Variants in CHRM2 observed in about 807,000 individuals in gnomAD.
CHRM2 encodes cholinergic receptor muscarinic 2.
CHRM2 carries 8 observed loss-of-function variants against 25.0 expected under a neutral mutation model. The ratio of observed to expected loss-of-function variants is 0.32; its 90% CI spans 0.19 to 0.58. The LOEUF (loss-of-function observed/expected upper bound fraction) is 0.58, where lower values mean the gene tolerates loss of function less well. Ranked by LOEUF, CHRM2 falls within the 20% of genes least tolerant of loss-of-function variation. The pLI is 0.88. For missense variants in CHRM2, 440 were observed against 567.1 expected, an observed-to-expected ratio of 0.78 and a Z score of 2.28; for synonymous variants, 202 against 205.7, an observed-to-expected ratio of 0.98 and a Z score of 0.15.
chr7:136,948,704 G>A (rs944426897), intron 2 of CHRM2, among the ~76,000 whole-genome samples: 3 of 152,160 alleles, frequency 2.0e-5, no homozygotes, highest in Admixed American at 2.0e-4. Context: ...CAATAAAAAA[G>A]AAATGAGTCC....
At chr7:136,889,822 T>C (rs1487090622) in intron 2 of CHRM2, among the ~76,000 whole-genome samples, 4 of 152,226 alleles carry the variant, frequency 2.6e-5, no homozygotes, top group South Asian at 2.1e-4. Context: ...GTTGTTTTTT[T>C]CTCTATGTTG....
chr7:136,950,578 T>A (rs980043959), intron 2 of CHRM2, among the ~76,000 whole-genome samples: 1 of 152,108 alleles, frequency 6.6e-6, no homozygotes, highest in Non-Finnish European at 1.5e-5. Context: ...CTGTAGGAAT[T>A]GAAATTGCAA....
At chr7:136,943,720 T>G (rs79376108) in intron 2 of CHRM2, among the ~76,000 whole-genome samples, 888 of 28,414 alleles carry the variant, frequency 0.031, 2 homozygotes, top group South Asian at 0.076. Context: ...TTCAAGGCAG[T>G]ATCAATGATT....
rs142333424 is a variant in CHRM2 at position 136,927,674 on chromosome 7, TAA to T, written c.-125+58257_-125+58258del. 3.6e-3 allele frequency among the ~76,000 whole-genome samples: 550 copies of T among 152,330 alleles called. 4 individuals carry two copies. Among genetic ancestry groups the T allele is most frequent in the African/African-American group, 0.013 (524 of 41,570 alleles). ...CTACCTATGAGCAACATTTCCAAAA[TAA>T]TGGTTTTATTCAAATGACAAGTTGT... On this transcript the variant is annotated intron_variant, in intron 2 of 3. Transcript: ENST00000680005.
intron 2 of CHRM2, among the ~76,000 whole-genome samples, chr7:136,911,905 A>T (rs985878385): frequency 6.6e-6 from 1 of 151,962 alleles, no homozygotes; most frequent in Admixed American, 6.6e-5. Context: ...TCACACTATC[A>T]TCCATAAAAT....
At chr7:136,976,302 G>A (rs2130952181) in intron 2 of CHRM2, among the ~76,000 whole-genome samples, 1 of 152,168 alleles carries the variant, frequency 6.6e-6, no homozygotes, top group African/African-American at 2.4e-5. Context: ...GTAGGAGATG[G>A]AGTTAGTGGC....
At chr7:136,994,425 T>A (rs1203677169) in intron 3 of CHRM2, among the ~76,000 whole-genome samples, 1 of 152,012 alleles carries the variant, frequency 6.6e-6, no homozygotes, top group East Asian at 1.9e-4. Flanking sequence ...TGGGCCACAC[T>A]ACATAAGCCA....
At position 137,011,215 on chromosome 7, in the gene CHRM2, G is replaced by GTGTGTGTGTGTGTATATATA; in HGVS notation, c.-46-3604_-46-3603insGTGTGTGTGTGTATATATAT. On this transcript the variant is annotated intron_variant, in intron 3 of 3. Coordinates refer to ENST00000680005, the MANE Select transcript of CHRM2 (RefSeq NM_001006630.2). ...TGTACGTGTGTGTGTGTGTGTGTGT[G>GTGTGTGTGTGTGTATATATA]TATATATATATATATATATGGATTT... 5.4e-3 allele frequency among the ~76,000 whole-genome samples: 729 copies of GTGTGTGTGTGTGTATATATA among 134,236 alleles called. 4 individuals carry two copies. The highest frequency in any genetic ancestry group is 9.0e-3 in the Non-Finnish European group (580 of 64,734). The allele number at this position is 134,236 out of a possible 152,430, so 88.1% of individuals were successfully genotyped here.
At chr7:136,921,529 T>A (rs922163335) in intron 2 of CHRM2, among the ~76,000 whole-genome samples, 2 of 152,130 alleles carry the variant, frequency 1.3e-5, no homozygotes, top group Non-Finnish European at 2.9e-5. Flanking sequence ...TTTCAGCATG[T>A]GGCCTCTTTA....
chr7:136,976,799 C>A (rs1310081055), intron 2 of CHRM2, among the ~76,000 whole-genome samples: 2 of 152,172 alleles, frequency 1.3e-5, no homozygotes, highest in Non-Finnish European at 1.5e-5. Context: ...TTACTCCCTG[C>A]TGCAGGGATT....
At chr7:136,903,802 G>A (rs1457278006) in intron 2 of CHRM2, among the ~76,000 whole-genome samples, 1 of 151,854 alleles carries the variant, frequency 6.6e-6, no homozygotes, top group Non-Finnish European at 1.5e-5. Context: ...CTCTACTAGT[G>A]TTTTAACAGT....
At chr7:137,007,114 G>A (rs1436179104) in intron 3 of CHRM2, among the ~76,000 whole-genome samples, 1 of 152,152 alleles carries the variant, frequency 6.6e-6, no homozygotes, top group Admixed American at 6.6e-5. Flanking sequence ...GAAAGGGAAA[G>A]AGAGATACAG....
chr7:136,904,528 TG>T (rs1438227322), intron 2 of CHRM2, among the ~76,000 whole-genome samples: 1 of 151,918 alleles, frequency 6.6e-6, no homozygotes, highest in Non-Finnish European at 1.5e-5. Context: ...CATGCTTTTT[TG>T]CCAGAGTTTT....
intron 2 of CHRM2, among the ~76,000 whole-genome samples, chr7:136,921,790 C>CTTCCTTTTTTTTTTTTTTTT (rs1798451991): frequency 8.8e-6 from 1 of 113,992 alleles, no homozygotes; most frequent in Non-Finnish European, 2.2e-5. Context: ...TTCTTTCTTT[C>CTTCCTTTTTTTTTTTTTTTT]TTTCTTTTTT....
intron 2 of CHRM2, among the ~76,000 whole-genome samples, chr7:136,898,156 A>C (rs1797006055): frequency 6.6e-6 from 1 of 152,192 alleles, no homozygotes; most frequent in Non-Finnish European, 1.5e-5. Context: ...TAGCATTGCA[A>C]ATTATAAAAT....
intron 2 of CHRM2, among the ~76,000 whole-genome samples, chr7:136,950,815 G>GTTT (rs1800367327): frequency 1.3e-5 from 2 of 151,896 alleles, no homozygotes; most frequent in South Asian, 4.2e-4. Context: ...TGTTGTTGTT[G>GTTT]TTGTTGTTGT....
Position 136,887,503 on chromosome 7 carries a change from C to T in CHRM2, c.-125+18085C>T, listed in dbSNP as rs550679177. 3.3e-5 allele frequency among the ~76,000 whole-genome samples: 5 copies of T among 152,274 alleles called. No homozygotes were observed. The South Asian group carries it at 1.0e-3, about 32-fold the overall frequency. ...TTACAGTGATAAGGATGAAATCTCA[C>T]TGTGCCATTGCCTGAAATACCCTGA... On this transcript the variant is annotated intron_variant, in intron 2 of 3. Transcript: ENST00000680005.
At chr7:136,977,819 T>G (rs1451874100) in intron 2 of CHRM2, among the ~76,000 whole-genome samples, 2 of 152,192 alleles carry the variant, frequency 1.3e-5, no homozygotes, top group Non-Finnish European at 2.9e-5. Flanking sequence ...CCAAGGCCAA[T>G]GTCCAGAATG....
chr7:136,894,981 G>A (rs1361490949), intron 2 of CHRM2, among the ~76,000 whole-genome samples: 6 of 152,004 alleles, frequency 3.9e-5, no homozygotes, highest in Middle Eastern at 3.4e-3. Context: ...TCTTTCCCCC[G>A]AGTCAGCATT....
Sources: allele counts gnomAD v4.1 joint callset (sites outside exome capture counted in the v4.1 genomes callset), GRCh38; gene constraint gnomAD v4.1.1; transcripts MANE v1.5; gene names NCBI Gene and HGNC (gene_info 2026-07-23, HGNC 2026-07-21).